Variants in CDH11 observed in about 807,000 individuals in gnomAD.
CDH11 encodes the protein cadherin 11.
CDH11 carries 11 observed loss-of-function variants against 67.8 expected under a neutral mutation model. That is an observed-to-expected ratio of 0.16 (90% CI 0.10 to 0.27). The LOEUF is 0.27. Among genes scored for constraint, CDH11 ranks in the 10% least tolerant of loss-of-function variants. The pLI is 1.00. For synonymous variants in CDH11, 419 were observed against 400.0 expected, an observed-to-expected ratio of 1.05 and a Z score of -0.57; for missense variants, 847 against 1,031.2, an observed-to-expected ratio of 0.82 and a Z score of 2.45.
Position 65,004,788 on chromosome 16 carries a change from G to A in CDH11, c.82C>T (p.Arg28Trp), listed in dbSNP as rs779648442. 5.4e-5 allele frequency: 87 copies of A among 1,600,166 alleles called. No homozygotes were observed. The highest frequency in any genetic ancestry group is 6.6e-5 in the Non-Finnish European group (77 of 1,173,606). Residue 28 changes from arginine (R) to tryptophan (W), a missense_variant, in exon 3 of 13, where the codon CGG becomes TGG. Around this residue, in one of 2 missense-constraint regions of CDH11, gnomAD observed 235 missense variants for 352.5 expected, o/e 0.67. Coordinates refer to ENST00000268603, the MANE Select transcript of CDH11 (RefSeq NM_001797.4). ...CHSHAFAPER[R>W]GHLRPSFHGH... is the part of the protein sequence containing the mutation. ...TGGAAGGAGGGCCGCAGGTGCCCCC[G>A]CCGCTCTGGGGCAAAGGCATGGCTG...
chr16:65,014,426 T>C (rs1349856281), intron 2 of CDH11, among the ~76,000 whole-genome samples: 6 of 152,160 alleles, frequency 3.9e-5, no homozygotes, highest in African/African-American at 7.2e-5. Context: ...CTCAAGATAT[T>C]TTATATTTTT....
At chr16:64,984,482 G>A (rs1162575750) in intron 7 of CDH11, among the ~76,000 whole-genome samples, 1 of 152,170 alleles carries the variant, frequency 6.6e-6, no homozygotes, top group Non-Finnish European at 1.5e-5. Flanking sequence ...TCCATGTTAT[G>A]AGTAGTTGAA....
At chr16:65,016,494 A>G (rs1597096272) in intron 2 of CDH11, among the ~76,000 whole-genome samples, 1 of 152,240 alleles carries the variant, frequency 6.6e-6, no homozygotes, top group Non-Finnish European at 1.5e-5. Flanking sequence ...AATATAGCTC[A>G]CTTAATTAGA....
rs78912515 is a variant in CDH11 at position 65,031,288 on chromosome 16, A to G, written c.-173+22516T>C. ...TGGTGTATTAAGCAGAGGCAATAGC[A>G]AACAAATGTTGTTATGGTCCTCAGG... On this transcript the variant is annotated intron_variant, in intron 2 of 12. Coordinates refer to ENST00000268603, the MANE Select transcript of CDH11 (RefSeq NM_001797.4). Among the ~76,000 whole-genome samples, 812 of 152,372 alleles carry G rather than the reference A, an allele frequency of 5.3e-3. 10 individuals carry two copies. Among genetic ancestry groups the G allele is most frequent in the African/African-American group, 0.018 (769 of 41,584 alleles).
chr16:64,956,760 G>A (rs1043569766), intron 11 of CDH11, among the ~76,000 whole-genome samples: 1 of 152,054 alleles, frequency 6.6e-6, no homozygotes, highest in African/African-American at 2.4e-5. Flanking sequence ...GCTTTTACTT[G>A]TACACTTTTT....
In CDH11 at chr16:64,950,957, G is replaced by A; in HGVS notation, c.1704C>T (p.Tyr568=). 12 of 1,614,052 alleles carry A rather than the reference G, an allele frequency of 7.4e-6. No individual in the cohort carries two copies. The highest frequency in any genetic ancestry group is 1.0e-5 in the Non-Finnish European group (12 of 1,179,934). ...CATCGCTGATCACTATGGGCAGAAGGTACAAGTCCTGCTTCTGCCGACTGA... is the reference window on the plus strand; with the variant it reads ...CATCGCTGATCACTATGGGCAGAAGATACAAGTCCTGCTTCTGCCGACTGA... ...GGFSRQKQDL[Y]LLPIVISDGG... Residue 568 remains tyrosine, a synonymous_variant, in exon 12 of 13, where the codon TAC becomes TAT. Coordinates refer to ENST00000268603, the MANE Select transcript of CDH11 (RefSeq NM_001797.4).
At chr16:65,112,669 T>C (rs1272289448) in intron 1 of CDH11, among the ~76,000 whole-genome samples, 2 of 152,154 alleles carry the variant, frequency 1.3e-5, no homozygotes, top group Non-Finnish European at 2.9e-5. Context: ...GGCTTGGCAG[T>C]GGCAAGGTAA....
intron 1 of CDH11, among the ~76,000 whole-genome samples, chr16:65,068,146 G>A (rs2074351406): frequency 6.8e-6 from 1 of 147,782 alleles, no homozygotes; most frequent in Non-Finnish European, 1.5e-5. Flanking sequence ...GGGAGAGAGG[G>A]AGAGACAAAG....
chr16:64,946,104 G>T lies in CDH11; in HGVS notation c.*1499C>A. 1 of 1,057,512 alleles carries T rather than the reference G, an allele frequency of 9.5e-7. No homozygotes were observed. Among genetic ancestry groups the T allele is most frequent in the Non-Finnish European group, 1.1e-6 (1 of 874,380 alleles). The allele number at this position is 1,057,512 out of a possible 1,614,324, so 65.5% of individuals were successfully genotyped here. On this transcript the variant is annotated 3_prime_UTR_variant, in exon 13 of 13. Transcript: ENST00000268603. ...ACTCTCAGAATCCAAAATGGTCCCTGCCCTCATTCTGAGCTTACGGCCCCA... is the reference window on the plus strand; with the variant it reads ...ACTCTCAGAATCCAAAATGGTCCCTTCCCTCATTCTGAGCTTACGGCCCCA...
chr16:64,954,121 A>C (rs2071437813), intron 11 of CDH11, among the ~76,000 whole-genome samples: 1 of 152,200 alleles, frequency 6.6e-6, no homozygotes. Flanking sequence ...TGACATTGGC[A>C]CATGAATTCA....
chr16:64,977,656 G>A (rs1333327894), intron 8 of CDH11, among the ~76,000 whole-genome samples: 1 of 152,156 alleles, frequency 6.6e-6, no homozygotes, highest in African/African-American at 2.4e-5. Flanking sequence ...GTGGCTGCTG[G>A]GTTAAAGTAA....
chr16:64,981,858 A>G, intron 8 of CDH11, 190 bp downstream of exon 8: 2 of 510,512 alleles, frequency 3.9e-6, no homozygotes, highest in Non-Finnish European at 3.4e-6. Flanking sequence ...GAACAATCCT[A>G]TCCAAAAAGT....
chr16:64,995,564 C>T (rs2072742754), intron 4 of CDH11, among the ~76,000 whole-genome samples: 1 of 152,170 alleles, frequency 6.6e-6, no homozygotes, highest in African/African-American at 2.4e-5. Context: ...AACTGGACCC[C>T]TACCTTTCCC....
In CDH11 at chr16:64,947,838, TCATCGA is replaced by T. The variant is rs747362358; in HGVS notation, c.2150_2155del (p.Val717_Asp718del). 1.2e-6 allele frequency: 2 copies of T among 1,614,162 alleles called. No homozygotes were observed. Among genetic ancestry groups the T allele is most frequent in the East Asian group, 4.5e-5 (2 of 44,870 alleles). On this transcript the variant is annotated inframe_deletion, in exon 13 of 13. Transcript: ENST00000268603. ...CTCCTGTATTCTCGTGTTGATGAAG[TCATCGA>T]CATCCACGCTGTTGGGCGCTGGCCG...
At chr16:65,005,569 C>A (rs189446363) in intron 2 of CDH11, among the ~76,000 whole-genome samples, 4 of 152,202 alleles carry the variant, frequency 2.6e-5, no homozygotes, top group Middle Eastern at 3.4e-3. Flanking sequence ...ACGAAGAAGG[C>A]GGGCAGGCAA....
chr16:64,948,856 CT>C lies in CDH11; in HGVS notation c.1895-758del, dbSNP rs927794726. Reference sequence around the variant, plus strand: ...CAGTTTAATTCTTCATTGATTCCCTCTTTTCCCCAAGAGGCTTCTACAATAT... The same window carrying C: ...CAGTTTAATTCTTCATTGATTCCCTCTTTCCCCAAGAGGCTTCTACAATAT... On this transcript the variant is annotated intron_variant, in intron 12 of 12. Transcript: ENST00000268603. 72 of 1,092,432 alleles carry C rather than the reference CT, an allele frequency of 6.6e-5. 1 individual carries two copies. The African/African-American group carries it at 1.0e-3, about 16-fold the overall frequency. 67.7% of individuals were successfully genotyped at this position (1,092,432 alleles called of 1,614,324 possible).
intron 1 of CDH11, among the ~76,000 whole-genome samples, chr16:65,098,987 C>A (rs994827317): frequency 2.6e-5 from 4 of 152,096 alleles, no homozygotes; most frequent in Admixed American, 1.3e-4. Flanking sequence ...GAGCAGAGAA[C>A]CTGAAATTAC....
At chr16:65,111,873 C>A (rs2075164007) in intron 1 of CDH11, among the ~76,000 whole-genome samples, 1 of 151,936 alleles carries the variant, frequency 6.6e-6, no homozygotes, top group South Asian at 2.1e-4. Flanking sequence ...AGTTCAAGAC[C>A]AGTCTGACCA....
At position 64,948,941 on chromosome 16, in the gene CDH11, TC is replaced by T. The variant is rs538921153; in HGVS notation, c.1895-843del. 1.8e-3 allele frequency among the ~76,000 whole-genome samples: 275 copies of T among 152,300 alleles called. 1 individual carries two copies. Among genetic ancestry groups the T allele is most frequent in the African/African-American group, 6.3e-3 (261 of 41,572 alleles). ...GCTGAAGAAAATGTTTGTGGCTGAA[TC>T]TTGCACTCCAGCTGAGCGCCCCTCT... On this transcript the variant is annotated intron_variant, in intron 12 of 12. Coordinates refer to ENST00000268603, the MANE Select transcript of CDH11 (RefSeq NM_001797.4).
Sources: allele counts gnomAD v4.1 joint callset (sites outside exome capture counted in the v4.1 genomes callset), GRCh38; gene constraint gnomAD v4.1.1; regional missense constraint gnomAD v4.1.1; transcripts MANE v1.5; gene names NCBI Gene and HGNC (gene_info 2026-07-23, HGNC 2026-07-21).